Variants in SNX29 observed in about 807,000 individuals in gnomAD.
The protein encoded by SNX29 is sorting nexin-29.
Under a neutral mutation model 102.1 loss-of-function variants are expected in SNX29, and 78 were observed. The observed-to-expected ratio is 0.76, with a 90% CI of 0.64 to 0.92. The LOEUF is 0.92. Among genes scored for constraint, SNX29 ranks in the 40% least tolerant of loss-of-function variants. The probability of loss-of-function intolerance (pLI) is 0.00; values close to 1 mark genes in which losing one functional copy is unlikely to be tolerated. For missense variants in SNX29, 1,280 were observed against 1,061.7 expected, an observed-to-expected ratio of 1.21 and a Z score of -2.86; for synonymous variants, 580 against 414.5, an observed-to-expected ratio of 1.40 and a Z score of -4.85.
Position 12,307,233 on chromosome 16 carries a change from C to T in SNX29, c.1782+29197C>T, listed in dbSNP as rs1176337112. 1.3e-5 allele frequency among the ~76,000 whole-genome samples: 2 copies of T among 152,256 alleles called. 1 individual carries two copies. The highest frequency in any genetic ancestry group is 4.1e-4 in the South Asian group (2 of 4,824). ...CCACTCTTGGTCTACATTTTTTCCT[C>T]GCTCACATGGCATGGTGATGCCATC... On this transcript the variant is annotated intron_variant, in intron 15 of 20. Coordinates refer to ENST00000566228, the MANE Select transcript of SNX29 (RefSeq NM_032167.5).
At chr16:12,140,308 G>T (rs1287743962) in intron 13 of SNX29, among the ~76,000 whole-genome samples, 1 of 152,216 alleles carries the variant, frequency 6.6e-6, no homozygotes, top group South Asian at 2.1e-4. Flanking sequence ...CAATGCCAGT[G>T]GGAGGAGAAG....
At chr16:12,527,442 C>T (rs1439262678) in intron 20 of SNX29, 3 of 432,462 alleles carry the variant, frequency 6.9e-6, no homozygotes, top group African/African-American at 6.0e-5. Context: ...AGATTTTCTC[C>T]TTGGTTCTTT....
At chr16:12,002,638 C>T (rs940305675) in intron 2 of SNX29, among the ~76,000 whole-genome samples, 5 of 152,264 alleles carry the variant, frequency 3.3e-5, no homozygotes, top group South Asian at 2.1e-4. Context: ...AATTATCGCC[C>T]GTGAAGAGCT....
intron 13 of SNX29, among the ~76,000 whole-genome samples, chr16:12,137,509 G>T (rs950720569): frequency 6.6e-6 from 1 of 152,208 alleles, no homozygotes; most frequent in African/African-American, 2.4e-5. Context: ...TGTTGTGCAT[G>T]TGAGATTGAG....
chr16:12,122,876 G>C (rs933835106), intron 11 of SNX29, among the ~76,000 whole-genome samples: 8 of 151,948 alleles, frequency 5.3e-5, no homozygotes, highest in African/African-American at 1.9e-4. Context: ...ACCCAGACTG[G>C]AGTGTGGTGG....
intron 16 of SNX29, among the ~76,000 whole-genome samples, chr16:12,380,079 C>G (rs1425686072): frequency 6.6e-6 from 1 of 151,118 alleles, no homozygotes; most frequent in East Asian, 1.9e-4. Flanking sequence ...CTGCCAATGC[C>G]CTAATTTCTT....
chr16:12,399,798 A>G (rs1241665572), intron 17 of SNX29, among the ~76,000 whole-genome samples: 1 of 151,912 alleles, frequency 6.6e-6, no homozygotes, highest in Non-Finnish European at 1.5e-5. Flanking sequence ...GAAGGATGAA[A>G]ATCAAAGGTG....
At chr16:12,389,005 C>G (rs2083433971) in intron 16 of SNX29, among the ~76,000 whole-genome samples, 1 of 152,152 alleles carries the variant, frequency 6.6e-6, no homozygotes, top group Non-Finnish European at 1.5e-5. Context: ...GCTTAAACAT[C>G]CTTGATATCT....
At chr16:12,368,471 G>A (rs1447234978) in intron 16 of SNX29, among the ~76,000 whole-genome samples, 5 of 152,202 alleles carry the variant, frequency 3.3e-5, no homozygotes, top group African/African-American at 1.2e-4. Flanking sequence ...TGTGTTTTGT[G>A]TGGCCACTTT....
At chr16:12,021,890 C>CA (rs57936438) in intron 3 of SNX29, among the ~76,000 whole-genome samples, 1,762 of 127,876 alleles carry the variant, frequency 0.014, 25 homozygotes, top group African/African-American at 0.041. Flanking sequence ...GGCTCCATCT[C>CA]AAAAAAAAAA....
intron 20 of SNX29, among the ~76,000 whole-genome samples, chr16:12,559,185 G>T (rs930889836): frequency 6.6e-6 from 1 of 152,038 alleles, no homozygotes; most frequent in Admixed American, 6.6e-5. Context: ...TAGGTACTGG[G>T]CTACACAGTG....
intron 15 of SNX29, among the ~76,000 whole-genome samples, chr16:12,314,042 G>T (rs1401034772): frequency 1.3e-5 from 2 of 152,270 alleles, no homozygotes; most frequent in Non-Finnish European, 2.9e-5. Context: ...CTGGAGCATA[G>T]TCGTGCACTC....
intron 2 of SNX29, among the ~76,000 whole-genome samples, chr16:12,001,614 T>A (rs1016511195): frequency 6.6e-6 from 1 of 152,024 alleles, no homozygotes; most frequent in African/African-American, 2.4e-5. Context: ...CACACACATA[T>A]ACACATACAC....
At chr16:12,530,364 T>A (rs1047720198) in intron 20 of SNX29, among the ~76,000 whole-genome samples, 4 of 152,100 alleles carry the variant, frequency 2.6e-5, no homozygotes, top group Admixed American at 6.6e-5. Context: ...GGGAAAGTGA[T>A]GAAGTTCTAG....
chr16:12,093,592 T>G (rs1405970852), intron 11 of SNX29: 2 of 152,210 alleles, frequency 1.3e-5, no homozygotes, highest in East Asian at 3.9e-4. Context: ...GGTGACAGAG[T>G]GAGACCGTGT....
chr16:12,498,689 C>T (rs2088953121), intron 19 of SNX29, among the ~76,000 whole-genome samples: 1 of 152,190 alleles, frequency 6.6e-6, no homozygotes, highest in Non-Finnish European at 1.5e-5. Context: ...CTCTAGTAAT[C>T]TCTGAATAGC....
intron 20 of SNX29, chr16:12,546,645 A>G (rs1414460648): frequency 1.3e-5 from 2 of 152,234 alleles, no homozygotes; most frequent in Admixed American, 6.5e-5. Flanking sequence ...ATTATAAACA[A>G]TTACCAAGAA....
intron 11 of SNX29, chr16:12,089,811 A>G (rs1170171297): frequency 2.6e-6 from 1 of 378,296 alleles, no homozygotes; most frequent in Non-Finnish European, 5.1e-6. Context: ...CTTGCCACGC[A>G]GAGCACACTC....
At chr16:12,446,061 T>G (rs1019199618) in intron 18 of SNX29, among the ~76,000 whole-genome samples, 2 of 147,308 alleles carry the variant, frequency 1.4e-5, no homozygotes, top group African/African-American at 5.0e-5. Flanking sequence ...TTTTTTTTTT[T>G]TTTTTTTTTT....
Sources: gnomAD v4.1 joint callset for allele counts (sites outside exome capture counted in the v4.1 genomes callset) on GRCh38, gnomAD v4.1.1 for gene constraint, MANE v1.5 for transcripts, NCBI Gene and HGNC (gene_info 2026-07-23, HGNC 2026-07-21) for gene names.